CADM2: variants seen among roughly 807,000 people sequenced by gnomAD.
CADM2 encodes immunoglobulin superfamily member 4D.
A neutral mutation model predicts 49.8 loss-of-function variants in CADM2; 12 were observed. The ratio of observed to expected loss-of-function variants is 0.24; its 90% CI spans 0.15 to 0.39. The LOEUF (loss-of-function observed/expected upper bound fraction) is 0.39, where lower values mean the gene tolerates loss of function less well. CADM2 is among the 10% of genes least tolerant of loss of function. The probability of loss-of-function intolerance (pLI) is 1.00; values close to 1 mark genes in which losing one functional copy is unlikely to be tolerated. For synonymous variants in CADM2, 214 were observed against 175.4 expected (o/e 1.22, Z -1.74); for missense variants, 378 against 492.3 (o/e 0.77, Z 2.20).
At chr3:85,853,009 A>C (rs775294821) in intron 3 of CADM2, among the ~76,000 whole-genome samples, 7 of 152,080 alleles carry the variant, frequency 4.6e-5, no homozygotes, top group Non-Finnish European at 1.0e-4. Flanking sequence ...AAAACGAATA[A>C]AAATATAGTA....
At chr3:86,027,189 C>G (rs940281312) in intron 8 of CADM2, among the ~76,000 whole-genome samples, 1 of 152,020 alleles carries the variant, frequency 6.6e-6, no homozygotes, top group African/African-American at 2.4e-5. Flanking sequence ...TACCTCATCC[C>G]CCAAAATTTC....
At position 86,069,782 on chromosome 3, in the gene CADM2, T is replaced by C. The variant is rs1739685667; in HGVS notation, c.*2999T>C. Reference sequence around the variant, plus strand: ...CTCTGCCAGTGTACTGTTTACAGTGTAAATTGATTGTCCTCCGTCAAAATC... The same window carrying C: ...CTCTGCCAGTGTACTGTTTACAGTGCAAATTGATTGTCCTCCGTCAAAATC... On this transcript the variant is annotated 3_prime_UTR_variant, in exon 10 of 10. Coordinates refer to ENST00000383699, the MANE Select transcript of CADM2 (RefSeq NM_001167675.2). 1.3e-5 allele frequency: 2 copies of C among 152,052 alleles called. No homozygotes were observed. The highest frequency in any genetic ancestry group is 4.1e-4 in the South Asian group (2 of 4,828). 9.4% of individuals were successfully genotyped at this position (152,052 alleles called of 1,614,324 possible). A position where few individuals can be genotyped will look rare whatever the true frequency, so the allele number is the denominator to read the frequency against.
chr3:85,520,993 T>G (rs2061015480), intron 1 of CADM2, among the ~76,000 whole-genome samples: 1 of 152,082 alleles, frequency 6.6e-6, no homozygotes, highest in African/African-American at 2.4e-5. Flanking sequence ...ACAACATAAC[T>G]TACCTACAAA....
chr3:85,712,821 A>C (rs2067156671), intron 1 of CADM2, among the ~76,000 whole-genome samples: 1 of 151,908 alleles, frequency 6.6e-6, no homozygotes, highest in Non-Finnish European at 1.5e-5. Flanking sequence ...TTATTTCTTT[A>C]TATATAACTT....
chr3:85,916,968 T>A (rs970261171), intron 6 of CADM2, among the ~76,000 whole-genome samples: 100 of 152,314 alleles, frequency 6.6e-4, no homozygotes, highest in African/African-American at 2.4e-3. Context: ...CATAAATGTC[T>A]TCTTTTGAGA....
intron 2 of CADM2, among the ~76,000 whole-genome samples, chr3:85,729,257 G>A (rs2067836815): frequency 6.6e-6 from 1 of 151,990 alleles, no homozygotes; most frequent in Non-Finnish European, 1.5e-5. Flanking sequence ...CTGAAATACA[G>A]GTTTTATTCA....
intron 1 of CADM2, among the ~76,000 whole-genome samples, chr3:85,209,817 A>G (rs1405982250): frequency 1.3e-5 from 2 of 152,220 alleles, no homozygotes; most frequent in Admixed American, 6.5e-5. Flanking sequence ...AAAAGTTCAC[A>G]AATGGGCACC....
chr3:85,744,576 G>A (rs1050849366), intron 2 of CADM2, among the ~76,000 whole-genome samples: 1 of 152,038 alleles, frequency 6.6e-6, no homozygotes, highest in Non-Finnish European at 1.5e-5. Context: ...TCGGGGTAAG[G>A]TCTTAATGAG....
chr3:85,590,346 G>A (rs1448188895), intron 1 of CADM2, among the ~76,000 whole-genome samples: 9 of 151,938 alleles, frequency 5.9e-5, no homozygotes, highest in African/African-American at 1.9e-4. Flanking sequence ...AAGTGTGGAA[G>A]CTGTAAGAAG....
intron 1 of CADM2, among the ~76,000 whole-genome samples, chr3:85,621,813 A>G (rs555733859): frequency 6.6e-6 from 1 of 152,166 alleles, no homozygotes; most frequent in South Asian, 2.1e-4. Context: ...TGGTCTGAGC[A>G]TGATGACAAG....
At chr3:85,532,667 C>A (rs1189756481) in intron 1 of CADM2, among the ~76,000 whole-genome samples, 1 of 152,054 alleles carries the variant, frequency 6.6e-6, no homozygotes, top group Non-Finnish European at 1.5e-5. Flanking sequence ...TGGTATGTAC[C>A]CAAAGGACTA....
At chr3:86,038,407 G>A (rs111320031) in intron 8 of CADM2, among the ~76,000 whole-genome samples, 1 of 152,168 alleles carries the variant, frequency 6.6e-6, no homozygotes, top group African/African-American at 2.4e-5. Context: ...TGCTGAGTCA[G>A]TGACCCTTAG....
At chr3:85,687,619 T>G (rs950126951) in intron 1 of CADM2, among the ~76,000 whole-genome samples, 1 of 152,196 alleles carries the variant, frequency 6.6e-6, no homozygotes, top group Non-Finnish European at 1.5e-5. Flanking sequence ...ATATTTGATC[T>G]ATTTTATTTT....
chr3:85,199,237 T>G (rs951412017), intron 1 of CADM2, among the ~76,000 whole-genome samples: 1 of 151,938 alleles, frequency 6.6e-6, no homozygotes, highest in Non-Finnish European at 1.5e-5. Flanking sequence ...TTGTATTCAT[T>G]TTAATATGTC....
intron 1 of CADM2, among the ~76,000 whole-genome samples, chr3:85,110,509 G>A (rs1414254576): frequency 6.6e-6 from 1 of 151,610 alleles, no homozygotes; most frequent in Non-Finnish European, 1.5e-5. Flanking sequence ...GGATCCTCAG[G>A]ATAAAAAATG....
At chr3:85,042,246 C>A (rs1238494284) in intron 1 of CADM2, among the ~76,000 whole-genome samples, 1 of 152,122 alleles carries the variant, frequency 6.6e-6, no homozygotes, top group Non-Finnish European at 1.5e-5. Flanking sequence ...TTTTTGAGAA[C>A]AACAGCTTCA....
At chr3:85,703,211 T>G (rs1447287771) in intron 1 of CADM2, among the ~76,000 whole-genome samples, 1 of 152,124 alleles carries the variant, frequency 6.6e-6, no homozygotes, top group Non-Finnish European at 1.5e-5. Context: ...AAACTTTTGT[T>G]ATAGAGTTCT....
chr3:85,434,912 T>G (rs555997832), intron 1 of CADM2, among the ~76,000 whole-genome samples: 53 of 152,264 alleles, frequency 3.5e-4, no homozygotes, highest in African/African-American at 1.3e-3. Flanking sequence ...AGTAGAGGTG[T>G]TGTATAGTGG....
intron 5 of CADM2, among the ~76,000 whole-genome samples, chr3:85,908,509 T>A (rs1717114138): frequency 6.6e-6 from 1 of 151,904 alleles, no homozygotes; most frequent in Non-Finnish European, 1.5e-5. Context: ...GGCAGCTAAT[T>A]TTTGTTTAGA....
Sources: allele counts gnomAD v4.1 joint callset (sites outside exome capture counted in the v4.1 genomes callset), GRCh38; gene constraint gnomAD v4.1.1; transcripts MANE v1.5; gene names NCBI Gene and HGNC (gene_info 2026-07-23, HGNC 2026-07-21).